The following SETBP1 variants were observed in gnomAD, a reference collection of about 807,000 sequenced individuals.
SETBP1 encodes the protein SET-binding protein.
Under a neutral mutation model 101.0 loss-of-function variants are expected in SETBP1, and 9 were observed. The ratio of observed to expected loss-of-function variants is 0.09; its 90% CI spans 0.05 to 0.16. The LOEUF (loss-of-function observed/expected upper bound fraction) is 0.16. SETBP1 is among the 10% of genes least tolerant of loss of function. SETBP1 has a pLI of 1.00. For synonymous variants in SETBP1, 818 were observed against 788.5 expected, an observed-to-expected ratio of 1.04 and a Z score of -0.63; for missense variants, 1,858 against 2,033.8, an observed-to-expected ratio of 0.91 and a Z score of 1.66.
At chr18:44,960,345 T>C (rs2071586403) in intron 4 of SETBP1, among the ~76,000 whole-genome samples, 1 of 152,120 alleles carries the variant, frequency 6.6e-6, no homozygotes, top group African/African-American at 2.4e-5. Context: ...CAAGCCACTT[T>C]TTATTTTATT....
At chr18:44,990,646 T>TAC (rs1010088402) in intron 4 of SETBP1, among the ~76,000 whole-genome samples, 13 of 148,594 alleles carry the variant, frequency 8.7e-5, no homozygotes, top group African/African-American at 2.5e-4. Flanking sequence ...AAAAAAAACA[T>TAC]ACACACACAC....
In SETBP1 at chr18:44,926,477, G is replaced by A. The variant is rs1020412931; in HGVS notation, c.541-23404G>A. 2.6e-5 allele frequency among the ~76,000 whole-genome samples: 4 copies of A among 152,174 alleles called. No individual in the cohort carries two copies. The East Asian group carries it at 7.7e-4, about 29-fold the overall frequency. On this transcript the variant is annotated intron_variant, in intron 3 of 5. Coordinates refer to ENST00000649279, the MANE Select transcript of SETBP1 (RefSeq NM_015559.3). ...CCCTGACTGGGGATGCAGTGTCCTC[G>A]TGGCATGACACAGTGGTCCCTCAGG...
At chr18:44,790,560 A>G (rs575704267) in intron 2 of SETBP1, among the ~76,000 whole-genome samples, 19 of 152,368 alleles carry the variant, frequency 1.2e-4, no homozygotes, top group African/African-American at 4.3e-4. Context: ...TTATCCCCAG[A>G]AAATGTAAAA....
intron 4 of SETBP1, among the ~76,000 whole-genome samples, chr18:45,012,587 C>G (rs866606441): frequency 2.6e-5 from 4 of 152,066 alleles, no homozygotes. Flanking sequence ...GCCATCTCTC[C>G]AGGATCAGCA....
At chr18:45,037,479 C>G (rs1342795450) in intron 4 of SETBP1, among the ~76,000 whole-genome samples, 2 of 152,102 alleles carry the variant, frequency 1.3e-5, no homozygotes, top group African/African-American at 4.8e-5. Context: ...GTTCTAAGCT[C>G]TTTACATGGA....
rs2071400568 is a variant in SETBP1, at chr18:44,953,073, G to A, written c.3733G>A (p.Ala1245Thr). 4 of 1,614,170 alleles carry A rather than the reference G, an allele frequency of 2.5e-6. No homozygotes were observed. The highest frequency in any genetic ancestry group is 3.3e-4 in the Middle Eastern group (2 of 6,062). The change falls in exon 4 of 6, where the codon GCC becomes ACC. Residue 1245 changes from alanine to threonine, a missense_variant. Physicochemically the swap from Ala to Thr is moderately conservative, Grantham distance 58 (BLOSUM62 0). This residue lies in a region of SETBP1 where 417 missense variants were observed against 389.1 expected (regional missense o/e 1.07). Transcript: ENST00000649279. Reference sequence around the variant, plus strand: ...TTCCGACGCCCAGCATTGGACACAGGCCAAGGAAAAAGGAGACTTGAGCAG... The same window carrying A: ...TTCCGACGCCCAGCATTGGACACAGACCAAGGAAAAAGGAGACTTGAGCAG... ...SLSDAQHWTQ[A>T]KEKGDLSSEP... is the part of the protein sequence containing the mutation.
intron 4 of SETBP1, chr18:44,986,997 TTAAG>T (rs1376849935): frequency 5.3e-5 from 8 of 152,178 alleles, no homozygotes; most frequent in Admixed American, 6.5e-5. Flanking sequence ...ATTATCATTA[TTAAG>T]TATTATGTAC....
At chr18:44,882,837 A>T (rs1290690593) in intron 3 of SETBP1, among the ~76,000 whole-genome samples, 1 of 152,110 alleles carries the variant, frequency 6.6e-6, no homozygotes. Flanking sequence ...GTGCGTTCAC[A>T]TGTATGTTTT....
chr18:44,833,460 G>A (rs577683527), intron 2 of SETBP1, among the ~76,000 whole-genome samples: 2 of 152,306 alleles, frequency 1.3e-5, no homozygotes, highest in South Asian at 4.1e-4. Context: ...CTGGAAGACT[G>A]GGAAGTACAG....
At chr18:44,753,153 C>G (rs1346531317) in intron 2 of SETBP1, among the ~76,000 whole-genome samples, 1 of 152,134 alleles carries the variant, frequency 6.6e-6, no homozygotes, top group Non-Finnish European at 1.5e-5. Context: ...CAAAACCCTA[C>G]AGAGAAAGAT....
At chr18:44,930,600 G>T (rs963306697) in intron 3 of SETBP1, among the ~76,000 whole-genome samples, 7 of 152,088 alleles carry the variant, frequency 4.6e-5, no homozygotes, top group African/African-American at 1.7e-4. Context: ...ATTAATTATT[G>T]CCTCAATTTC....
chr18:45,039,062 C>A (rs960969980), intron 5 of SETBP1, among the ~76,000 whole-genome samples: 2 of 152,154 alleles, frequency 1.3e-5, no homozygotes, highest in Admixed American at 1.3e-4. Flanking sequence ...AGTAAAGAAG[C>A]CTGCCCCAAG....
chr18:44,876,789 C>A, intron 3 of SETBP1: 3 of 1,468,306 alleles, frequency 2.0e-6, no homozygotes, highest in South Asian at 2.9e-5. Flanking sequence ...CACCTGTGGT[C>A]ATTCCCTGTT....
chr18:44,809,145 ATG>A (rs1352830501), intron 2 of SETBP1, among the ~76,000 whole-genome samples: 2 of 152,224 alleles, frequency 1.3e-5, no homozygotes, highest in Admixed American at 1.3e-4. Flanking sequence ...AAAGAGGAAT[ATG>A]TGAGAAATAG....
chr18:44,710,450 GTT>G (rs11375634), intron 2 of SETBP1, among the ~76,000 whole-genome samples: 1 of 123,404 alleles, frequency 8.1e-6, no homozygotes, highest in Non-Finnish European at 1.6e-5. Context: ...CATTTTAGGA[GTT>G]TTTTTTTTTT....
intron 3 of SETBP1, among the ~76,000 whole-genome samples, chr18:44,887,841 G>A (rs947524222): frequency 6.6e-6 from 1 of 152,084 alleles, no homozygotes; most frequent in East Asian, 1.9e-4. Context: ...GGAGTCAAAA[G>A]CCTAGGCAGA....
chr18:44,885,853 A>C (rs1225401530), intron 3 of SETBP1, among the ~76,000 whole-genome samples: 1 of 43,620 alleles, frequency 2.3e-5, no homozygotes, highest in Non-Finnish European at 5.0e-5. Context: ...AAAAAAAAAA[A>C]AAACAAAAAA....
At chr18:45,044,023 T>C (rs535570052) in intron 5 of SETBP1, among the ~76,000 whole-genome samples, 1 of 152,340 alleles carries the variant, frequency 6.6e-6, no homozygotes, top group South Asian at 2.1e-4. Context: ...TTAAGAATGA[T>C]GCAATTATTT....
rs1487529652 is a variant in SETBP1 at position 44,925,022 on chromosome 18, T to G, written c.541-24859T>G. Among the ~76,000 whole-genome samples, 38 of 147,574 alleles carry G rather than the reference T, an allele frequency of 2.6e-4. 1 individual carries two copies. Among genetic ancestry groups the G allele is most frequent in the African/African-American group, 5.8e-4 (23 of 39,842 alleles). On this transcript the variant is annotated intron_variant, in intron 3 of 5. Coordinates refer to ENST00000649279, the MANE Select transcript of SETBP1 (RefSeq NM_015559.3). The stretch of plus-strand genomic sequence containing the variant: ...TCCTGTGTGAGTTTTTTTTTTTTTT[T>G]TTTTTTTTTTTTTCACGAGAATGAG...
Sources: allele counts gnomAD v4.1 joint callset (sites outside exome capture counted in the v4.1 genomes callset), GRCh38; gene constraint gnomAD v4.1.1; regional missense constraint gnomAD v4.1.1; transcripts MANE v1.5; gene names NCBI Gene and HGNC (gene_info 2026-07-23, HGNC 2026-07-21).